Variants in GCNT1 observed in about 807,000 individuals in gnomAD.
GCNT1 encodes the protein glucosaminyl (N-acetyl) transferase 1.
GCNT1 carries 16 observed loss-of-function variants against 26.2 expected under a neutral mutation model. The observed-to-expected ratio is 0.61, with a 90% CI of 0.41 to 0.93. The LOEUF is 0.93. Among genes scored for constraint, GCNT1 ranks in the 40% least tolerant of loss-of-function variants. GCNT1 has a pLI of 0.00. For missense variants in GCNT1, 477 were observed against 526.7 expected, an observed-to-expected ratio of 0.91 and a Z score of 0.92; for synonymous variants, 183 against 190.8, an observed-to-expected ratio of 0.96 and a Z score of 0.34.
intron 1 of GCNT1, among the ~76,000 whole-genome samples, chr9:76,423,278 T>C (rs1279041423): frequency 6.6e-6 from 1 of 152,184 alleles, no homozygotes; most frequent in Non-Finnish European, 1.5e-5. Context: ...TGTTGGGAAG[T>C]GGGGCCTAAT....
At chr9:76,463,049 A>C (rs746123925) in intron 2 of GCNT1, among the ~76,000 whole-genome samples, 15 of 152,238 alleles carry the variant, frequency 9.9e-5, no homozygotes, top group Non-Finnish European at 1.9e-4. Flanking sequence ...CGACTTTCTC[A>C]AAGGGAGCGC....
At chr9:76,409,851 T>C in the GCNT1 span, among the ~76,000 whole-genome samples, 1 of 152,152 alleles carries the variant, frequency 6.6e-6, no homozygotes, top group African/African-American at 2.4e-5. Context: ...GAAGCTTAGA[T>C]GACTGATTTT....
intron 1 of GCNT1, among the ~76,000 whole-genome samples, chr9:76,427,914 G>A (rs559969258): frequency 6.6e-6 from 1 of 152,184 alleles, no homozygotes; most frequent in South Asian, 2.1e-4. Context: ...CCCGGGAGGT[G>A]GAAGTTGCAG....
chr9:76,399,705 C>T, the GCNT1 span: 4 of 629,108 alleles, frequency 6.4e-6, no homozygotes, highest in Admixed American at 5.7e-5. Context: ...TACCCCTACT[C>T]CCACTGAATG....
intron 2 of GCNT1, among the ~76,000 whole-genome samples, chr9:76,494,319 T>C (rs931087557): frequency 2.6e-5 from 4 of 152,276 alleles, no homozygotes; most frequent in South Asian, 4.1e-4. Context: ...GAAAACCTGT[T>C]AGAGTCCTAA....
At chr9:76,443,546 T>C (rs1347140168) in intron 1 of GCNT1, among the ~76,000 whole-genome samples, 1 of 152,242 alleles carries the variant, frequency 6.6e-6, no homozygotes, top group East Asian at 1.9e-4. Flanking sequence ...TTTTCCACCC[T>C]GGGTGGGCCA....
chr9:76,419,270 C>A (rs543918279), upstream of GCNT1, among the ~76,000 whole-genome samples: 7 of 152,296 alleles, frequency 4.6e-5, no homozygotes, highest in Admixed American at 4.6e-4. Context: ...TCCATGACAA[C>A]AGACTTTGTC....
the GCNT1 span, among the ~76,000 whole-genome samples, chr9:76,409,099 C>T: frequency 3.3e-5 from 5 of 151,908 alleles, no homozygotes; most frequent in South Asian, 2.1e-4. Flanking sequence ...TTTTTGTTTT[C>T]GAAGGTTATA....
intron 1 of GCNT1, among the ~76,000 whole-genome samples, chr9:76,442,672 C>T (rs1192239809): frequency 6.6e-6 from 1 of 152,016 alleles, no homozygotes; most frequent in Non-Finnish European, 1.5e-5. Context: ...CAGAGTGAGA[C>T]TCCATCTCAA....
chr9:76,486,931 AC>A (rs1824595280), intron 2 of GCNT1, among the ~76,000 whole-genome samples: 1 of 151,778 alleles, frequency 6.6e-6, no homozygotes, highest in Non-Finnish European at 1.5e-5. Context: ...AAACAAACAA[AC>A]AAACAAACAA....
intron 2 of GCNT1, among the ~76,000 whole-genome samples, chr9:76,488,733 C>T (rs1391418968): frequency 6.6e-6 from 1 of 152,228 alleles, no homozygotes; most frequent in Non-Finnish European, 1.5e-5. Context: ...ATCTGTCTGC[C>T]TCGTCCTCCC....
chr9:76,416,797 G>A (rs560517062), upstream of GCNT1, among the ~76,000 whole-genome samples: 3 of 152,298 alleles, frequency 2.0e-5, no homozygotes, highest in South Asian at 2.1e-4. Flanking sequence ...AGTGGCTCAC[G>A]CCTGTCATCC....
At chr9:76,481,304 G>A in intron 2 of GCNT1, among the ~76,000 whole-genome samples, 1 of 151,686 alleles carries the variant, frequency 6.6e-6, no homozygotes. Flanking sequence ...TACCCCTTCT[G>A]CTTGATCAAG....
At chr9:76,400,443 C>T in the GCNT1 span, among the ~76,000 whole-genome samples, 4 of 152,196 alleles carry the variant, frequency 2.6e-5, no homozygotes, top group African/African-American at 9.7e-5. Context: ...ACTAGTCTCT[C>T]TCTACTGCTT....
chr9:76,470,929 G>C (rs1824118584), intron 2 of GCNT1, among the ~76,000 whole-genome samples: 1 of 152,160 alleles, frequency 6.6e-6, no homozygotes, highest in African/African-American at 2.4e-5. Flanking sequence ...GGCCCGCCAG[G>C]CTTGTTTGTC....
At chr9:76,497,111 AG>A (rs1824927508) in intron 2 of GCNT1, among the ~76,000 whole-genome samples, 1 of 152,234 alleles carries the variant, frequency 6.6e-6, no homozygotes, top group South Asian at 2.1e-4. Context: ...GATATTCTTC[AG>A]TGAGTATGCT....
Position 76,502,650 on chromosome 9 carries a change from C to T in GCNT1, c.269C>T (p.Pro90Leu), listed in dbSNP as rs866079419. 80 of 1,613,940 alleles carry T rather than the reference C, an allele frequency of 5.0e-5. No individual in the cohort carries two copies. The highest frequency in any genetic ancestry group is 6.4e-5 in the Non-Finnish European group (75 of 1,179,980). The change falls in exon 4 of 4, where the codon CCT becomes CTT. Residue 90 changes from proline to leucine, a missense_variant. Coordinates refer to ENST00000376730, the MANE Select transcript of GCNT1 (RefSeq NM_001490.5). The part of the protein sequence containing the change: ...VKFKKRPRWT[P>L]DDYINMTSDC... ...TTTAAAAAGCGCCCTCGGTGGACACCTGACGACTATATAAACATGACCAGT... is the reference window on the plus strand; with the variant it reads ...TTTAAAAAGCGCCCTCGGTGGACACTTGACGACTATATAAACATGACCAGT...
At chr9:76,458,148 A>G (rs943106529), upstream of GCNT1, among the ~76,000 whole-genome samples, 8 of 145,242 alleles carry the variant, frequency 5.5e-5, no homozygotes, top group African/African-American at 2.0e-4. Context: ...TGTCAAACAT[A>G]TCACAGTCTA....
intron 1 of GCNT1, among the ~76,000 whole-genome samples, chr9:76,449,972 C>T (rs1823638376): frequency 6.6e-6 from 1 of 152,012 alleles, no homozygotes; most frequent in African/African-American, 2.4e-5. Context: ...AGGTTTTCGC[C>T]GTTTTGGCCA....
Sources: gnomAD v4.1 joint callset for allele counts (sites outside exome capture counted in the v4.1 genomes callset) on GRCh38, gnomAD v4.1.1 for gene constraint, MANE v1.5 for transcripts, NCBI Gene and HGNC (gene_info 2026-07-23, HGNC 2026-07-21) for gene names.